AFG2B: variants seen among roughly 807,000 people sequenced by gnomAD.
The protein encoded by AFG2B is ATPase family gene 2 protein homolog B.
At chr15:45,410,483 T>C in the AFG2B span, 1 of 1,612,492 alleles carries the variant, frequency 6.2e-7, no homozygotes, top group South Asian at 1.1e-5. Flanking sequence ...GCCTGTTGAC[T>C]GGGAGGAGAT....
the AFG2B span, chr15:45,402,433 G>T: frequency 3.1e-6 from 5 of 1,601,564 alleles, no homozygotes; most frequent in Non-Finnish European, 4.3e-6. Flanking sequence ...GTGTGCGATG[G>T]CTCCGGACTC....
the AFG2B span, chr15:45,402,467 T>A: frequency 6.2e-7 from 1 of 1,609,280 alleles, no homozygotes; most frequent in South Asian, 1.1e-5. Flanking sequence ...GAAGGGCCGC[T>A]CTTAAAGCTG....
chr15:45,420,369 A>G, the AFG2B span, among the ~76,000 whole-genome samples: 1 of 152,186 alleles, frequency 6.6e-6, no homozygotes, highest in Admixed American at 6.6e-5. Flanking sequence ...TTGCTGGGTC[A>G]TAGGGTATGT....
the AFG2B span, among the ~76,000 whole-genome samples, chr15:45,408,570 T>TAGAGGCACAG: frequency 6.6e-6 from 1 of 152,254 alleles, no homozygotes; most frequent in South Asian, 2.1e-4. Flanking sequence ...GCCTCACATG[T>TAGAGGCACAG]AGAGGCACAG....
chr15:45,402,700 C>T, the AFG2B span: 108 of 1,570,160 alleles, frequency 6.9e-5, no homozygotes, highest in Admixed American at 3.9e-4. Flanking sequence ...GTCGAGATCC[C>T]GGAGGAGTCT....
the AFG2B span, among the ~76,000 whole-genome samples, chr15:45,413,688 C>T: frequency 6.6e-6 from 1 of 152,186 alleles, no homozygotes; most frequent in South Asian, 2.1e-4. Flanking sequence ...ATTCTCCATA[C>T]TGCTTCCTCA....
At chr15:45,420,971 A>C in the AFG2B span, 1 of 1,500,442 alleles carries the variant, frequency 6.7e-7, no homozygotes, top group East Asian at 2.4e-5. Context: ...CAGCCTGGGC[A>C]ATAAGAGCAA....
the AFG2B span, chr15:45,415,938 G>A: frequency 1.6e-6 from 1 of 637,994 alleles, no homozygotes; most frequent in Non-Finnish European, 2.5e-6. Flanking sequence ...ACTTTGTTAG[G>A]ACTTTTAGAG....
chr15:45,412,986 GATCT>G, the AFG2B span, among the ~76,000 whole-genome samples: 1 of 152,158 alleles, frequency 6.6e-6, no homozygotes, highest in African/African-American at 2.4e-5. Flanking sequence ...TTAACCAGGA[GATCT>G]ATCTCCAGTG....
At chr15:45,421,186 A>AT in the AFG2B span, 1 of 1,607,236 alleles carries the variant, frequency 6.2e-7, no homozygotes, top group Admixed American at 1.7e-5. Flanking sequence ...AGAAAGAAGG[A>AT]TTTTCTAACG....
chr15:45,415,803 TG>T, the AFG2B span: 1 of 1,607,782 alleles, frequency 6.2e-7, no homozygotes, highest in Non-Finnish European at 8.5e-7. Flanking sequence ...GCTGAAAAAA[TG>T]AAGAGGTATT....
the AFG2B span, chr15:45,414,916 T>C: frequency 1.2e-5 from 9 of 720,492 alleles, no homozygotes; most frequent in African/African-American, 3.6e-5. Flanking sequence ...ATTTAGAAAA[T>C]ATAGGAAAGT....
the AFG2B span, chr15:45,415,532 A>G: frequency 5.0e-6 from 7 of 1,407,812 alleles, no homozygotes; most frequent in Admixed American, 9.9e-5. Flanking sequence ...AAATAGTAAT[A>G]TCACATGACT....
At chr15:45,410,641 A>T in the AFG2B span, 1 of 959,530 alleles carries the variant, frequency 1.0e-6, no homozygotes, top group Non-Finnish European at 1.5e-6. Context: ...CACTAATGTG[A>T]TCCTAACATC....
chr15:45,420,086 C>T, the AFG2B span, among the ~76,000 whole-genome samples: 34 of 148,484 alleles, frequency 2.3e-4, no homozygotes, highest in South Asian at 7.1e-3. Flanking sequence ...TGCTTTTGAA[C>T]TTTATATGAA....
the AFG2B span, chr15:45,420,983 ACT>A: frequency 6.4e-7 from 1 of 1,552,636 alleles, no homozygotes. Flanking sequence ...TAAGAGCAAA[ACT>A]CCATCTCAAA....
At chr15:45,407,118 G>A in the AFG2B span, 1 of 1,289,130 alleles carries the variant, frequency 7.8e-7, no homozygotes, top group South Asian at 1.2e-5. Flanking sequence ...TTCAGGAGGG[G>A]CCTGCTCAGG....
the AFG2B span, among the ~76,000 whole-genome samples, chr15:45,408,470 T>C: frequency 2.6e-5 from 4 of 152,306 alleles, no homozygotes; most frequent in Admixed American, 1.3e-4. Flanking sequence ...TGACACTTTA[T>C]CCCTTAACAT....
the AFG2B span, among the ~76,000 whole-genome samples, chr15:45,409,311 A>G: frequency 6.7e-6 from 1 of 149,420 alleles, no homozygotes; most frequent in Non-Finnish European, 1.5e-5. Flanking sequence ...CAGGAGGCGG[A>G]GGCTGCAGGG....
Sources: gnomAD v4.1 joint callset for allele counts (sites outside exome capture counted in the v4.1 genomes callset) on GRCh38, gnomAD v4.1.1 for gene constraint, MANE v1.5 for transcripts, NCBI Gene and HGNC (gene_info 2026-07-23, HGNC 2026-07-21) for gene names.